The following MLPH variants were observed in gnomAD, a reference collection of about 807,000 sequenced individuals.
The protein encoded by MLPH is melanophilin, also known as exophilin-3.
In MLPH, 51 loss-of-function variants were observed where a neutral mutation model predicts 72.1. The observed-to-expected ratio is 0.71, with a 90% CI of 0.56 to 0.89. The LOEUF is 0.89. MLPH is among the 40% of genes least tolerant of loss of function. The pLI, the probability that MLPH is intolerant of heterozygous loss-of-function variation, is 0.00. For missense variants in MLPH, 743 were observed against 759.9 expected (o/e 0.98, Z 0.26); for synonymous variants, 301 against 310.1 (o/e 0.97, Z 0.31).
chr2:237,496,246 G>C (rs763900692), intron 2 of MLPH, among the ~76,000 whole-genome samples: 2 of 152,170 alleles, frequency 1.3e-5, no homozygotes, highest in Admixed American at 6.5e-5. Context: ...AAATGGAAAA[G>C]GGGGGAGAAC....
chr2:237,546,713 AC>A (rs1267495673), intron 13 of MLPH, 30 bp downstream of exon 13: 9 of 1,591,554 alleles, frequency 5.7e-6, no homozygotes, highest in Admixed American at 5.0e-5. Flanking sequence ...AGCCCCAGAC[AC>A]CCGACAAAGG....
intron 6 of MLPH, among the ~76,000 whole-genome samples, chr2:237,524,242 C>A (rs894786525): frequency 2.7e-5 from 4 of 149,686 alleles, no homozygotes; most frequent in Non-Finnish European, 2.9e-5. Flanking sequence ...TTATTTCCGC[C>A]CTACAGGATC....
rs751783944 is a variant in MLPH, at chr2:237,553,684, C to T, written c.*92C>T. On this transcript the variant is annotated 3_prime_UTR_variant, in exon 16 of 16. Transcript: ENST00000264605. ...CATTGGCTCTGTGCTTTCCACTATA[C>T]ACAGTCACCGTCCCAATGAGAAACA... 2.9e-5 allele frequency: 44 copies of T among 1,540,826 alleles called. No individual in the cohort carries two copies. Among genetic ancestry groups the T allele is most frequent in the Non-Finnish European group, 3.9e-5 (43 of 1,113,510 alleles).
At chr2:237,517,422 G>A (rs2080062764) in intron 4 of MLPH, among the ~76,000 whole-genome samples, 1 of 151,584 alleles carries the variant, frequency 6.6e-6, no homozygotes, top group Non-Finnish European at 1.5e-5. Flanking sequence ...TGGATGGGTG[G>A]GTGAGTGGAT....
chr2:237,552,214 G>A (rs2081053864), intron 14 of MLPH, 123 bp from the exon 15 acceptor site: 1 of 718,522 alleles, frequency 1.4e-6, no homozygotes, highest in South Asian at 1.6e-5. Flanking sequence ...TGATGTGGAA[G>A]CTTCTTAAAA....
At chr2:237,486,737 G>A (rs1002759165), upstream of MLPH, 1 of 152,260 alleles carries the variant, frequency 6.6e-6, no homozygotes, top group Non-Finnish European at 1.5e-5. Context: ...AGAATCGAAG[G>A]GGTGAGGGTA....
chr2:237,541,714 T>C lies in MLPH; in HGVS notation c.1446+757T>C, dbSNP rs961036459. ...CACATTGTGTAGGCCACGGAAGATC[T>C]GGTGCAAATACCTTAGACGAAGCCC... On this transcript the variant is annotated intron_variant, in intron 11 of 15. Transcript: ENST00000264605. The surrounding 1 kb of genome is among the most constrained non-coding windows in gnomAD (Gnocchi z 5.1). Among the ~76,000 whole-genome samples, 1 of 152,250 alleles carries C rather than the reference T, an allele frequency of 6.6e-6. No homozygotes were observed. Among genetic ancestry groups the C allele is most frequent in the African/African-American group, 2.4e-5 (1 of 41,464 alleles).
chr2:237,535,649 T>C (rs1247360455), intron 9 of MLPH, among the ~76,000 whole-genome samples: 1 of 152,106 alleles, frequency 6.6e-6, no homozygotes, highest in Admixed American at 6.5e-5. Context: ...GATTAAGTAT[T>C]GAGTTTCTTT....
intron 9 of MLPH, among the ~76,000 whole-genome samples, chr2:237,538,402 G>C (rs1311005274): frequency 6.6e-6 from 1 of 152,208 alleles, no homozygotes; most frequent in Non-Finnish European, 1.5e-5. Flanking sequence ...ATGGGTCTTG[G>C]GGCTTCCTGA....
At chr2:237,515,214 C>T (rs2079988760) in intron 4 of MLPH, among the ~76,000 whole-genome samples, 1 of 152,188 alleles carries the variant, frequency 6.6e-6, no homozygotes, top group African/African-American at 2.4e-5. Context: ...GTGTACGGCA[C>T]TCGGGGGCGG....
intron 2 of MLPH, among the ~76,000 whole-genome samples, chr2:237,503,735 A>T (rs2079702867): frequency 6.6e-6 from 1 of 151,880 alleles, no homozygotes; most frequent in South Asian, 2.1e-4. Flanking sequence ...GTCTTTGAGG[A>T]TCTGTTCCAC....
chr2:237,518,233 G>A, intron 4 of MLPH: 3 of 483,454 alleles, frequency 6.2e-6, no homozygotes, highest in South Asian at 1.9e-5. Context: ...ATAGGTGGGT[G>A]TATGGGTGGG....
At chr2:237,493,810 G>A (rs1405064319) in intron 2 of MLPH, among the ~76,000 whole-genome samples, 4 of 152,162 alleles carry the variant, frequency 2.6e-5, no homozygotes, top group Non-Finnish European at 5.9e-5. Context: ...GTGATACTTA[G>A]GCCACATCTT....
chr2:237,541,022 T>C lies in MLPH; in HGVS notation c.1446+65T>C. ...CACAGATGGTGACCACACCCAGGCC[T>C]TGAACATCTGCCAGCTCTAACATCC... On this transcript the variant is annotated intron_variant, in intron 11 of 15. Coordinates refer to ENST00000264605, the MANE Select transcript of MLPH (RefSeq NM_024101.7). The surrounding 1 kb of genome is among the most constrained non-coding windows in gnomAD (Gnocchi z 5.1). 3 of 1,541,522 alleles carry C rather than the reference T, an allele frequency of 1.9e-6. No homozygotes were observed. The highest frequency in any genetic ancestry group is 1.8e-6 in the Non-Finnish European group (2 of 1,138,186).
At chr2:237,493,082 G>C (rs1269376433) in intron 1 of MLPH, among the ~76,000 whole-genome samples, 1 of 152,172 alleles carries the variant, frequency 6.6e-6, no homozygotes, top group Non-Finnish European at 1.5e-5. Context: ...CCTAGGTGAG[G>C]GAGAGGAGCC....
At position 237,525,683 on chromosome 2, in the gene MLPH, G is replaced by A. The variant is rs1213597568; in HGVS notation, c.758G>A (p.Gly253Glu). Reference protein sequence around the residue: ...GLEEADTGASGCHSHPEEQPT... With the variant: ...GLEEADTGASECHSHPEEQPT... The stretch of plus-strand genomic sequence containing the variant: ...GAGGAGGCTGATACTGGGGCCTCTG[G>A]GTGCCACTCCCATCCGGAAGAGCAG... Residue 253 changes from glycine to glutamate, a missense_variant, in exon 7 of 16, where the codon GGG becomes GAG. Physicochemically the swap from Gly to Glu is moderately conservative, Grantham distance 98. Transcript: ENST00000264605. 2 of 1,614,166 alleles carry A rather than the reference G, an allele frequency of 1.2e-6. No individual in the cohort carries two copies. Among genetic ancestry groups the A allele is most frequent in the South Asian group, 1.1e-5 (1 of 91,086 alleles).
rs958879563 is a variant in MLPH, at chr2:237,527,667, A to G, written c.1020+151A>G. 15 of 979,916 alleles carry G rather than the reference A, an allele frequency of 1.5e-5. No homozygotes were observed. The African/African-American group carries it at 2.1e-4, about 14-fold the overall frequency. 60.7% of individuals were successfully genotyped at this position (979,916 alleles called of 1,614,324 possible). A position where few individuals can be genotyped will look rare whatever the true frequency, so the allele number is the denominator to read the frequency against. Reference sequence around the variant, plus strand: ...TACTTAATGGAGATACGTCATCACAATATTTTTTGTGGAAGTGAATTCACA... The same window carrying G: ...TACTTAATGGAGATACGTCATCACAGTATTTTTTGTGGAAGTGAATTCACA... On this transcript the variant is annotated intron_variant, in intron 8 of 15. Coordinates refer to ENST00000264605, the MANE Select transcript of MLPH (RefSeq NM_024101.7).
intron 2 of MLPH, among the ~76,000 whole-genome samples, chr2:237,508,603 CT>C (rs1427874381): frequency 6.6e-6 from 1 of 152,216 alleles, no homozygotes; most frequent in African/African-American, 2.4e-5. Context: ...ACTCACCCCC[CT>C]AAAGGATCTT....
intron 2 of MLPH, among the ~76,000 whole-genome samples, chr2:237,506,909 G>A (rs1471467660): frequency 2.0e-5 from 3 of 152,080 alleles, no homozygotes; most frequent in Non-Finnish European, 2.9e-5. Flanking sequence ...CTAGGCTGTA[G>A]TATTTGAAGA....
Sources: allele counts gnomAD v4.1 joint callset (sites outside exome capture counted in the v4.1 genomes callset), GRCh38; gene constraint gnomAD v4.1.1; non-coding constraint Gnocchi (gnomAD v3.1); transcripts MANE v1.5; gene names NCBI Gene and HGNC (gene_info 2026-07-23, HGNC 2026-07-21).